The following CCDC171 variants were observed in gnomAD, a reference collection of about 807,000 sequenced individuals.
The protein encoded by CCDC171 is coiled-coil domain containing 171.
A neutral mutation model predicts 168.2 loss-of-function variants in CCDC171; 177 were observed. The ratio of observed to expected loss-of-function variants is 1.05; its 90% CI spans 0.93 to 1.19. The LOEUF (loss-of-function observed/expected upper bound fraction) is 1.19, where lower values mean the gene tolerates loss of function less well. Ranked by LOEUF, CCDC171 falls within the 50% of genes most tolerant of loss-of-function variation. The pLI is 0.00. For missense variants in CCDC171, 1,991 were observed against 1,539.0 expected (o/e 1.29, Z -4.91); for synonymous variants, 687 against 540.8 (o/e 1.27, Z -3.75).
intron 5 of CCDC171, among the ~76,000 whole-genome samples, chr9:15,593,409 T>A (rs2042131912): frequency 6.6e-6 from 1 of 152,166 alleles, no homozygotes; most frequent in Non-Finnish European, 1.5e-5. Flanking sequence ...AGGAAAGCAT[T>A]TTTTCAAGTA....
At chr9:15,868,628 G>A (rs1179906379) in intron 23 of CCDC171, among the ~76,000 whole-genome samples, 1 of 151,926 alleles carries the variant, frequency 6.6e-6, no homozygotes, top group Non-Finnish European at 1.5e-5. Flanking sequence ...AAACATTGTT[G>A]CTAAGATTGC....
chr9:15,842,601 T>C (rs1414010877), intron 21 of CCDC171, among the ~76,000 whole-genome samples: 1 of 151,910 alleles, frequency 6.6e-6, no homozygotes, highest in Non-Finnish European at 1.5e-5. Flanking sequence ...CTAAAGAATT[T>C]TACTTCAAAA....
intron 21 of CCDC171, among the ~76,000 whole-genome samples, chr9:15,832,727 C>T (rs1346079218): frequency 1.3e-5 from 2 of 152,186 alleles, no homozygotes; most frequent in Non-Finnish European, 2.9e-5. Flanking sequence ...CTGCTGTCGA[C>T]TTTATAAGCA....
chr9:15,970,937 G>A (rs576874470), intron 25 of CCDC171, among the ~76,000 whole-genome samples: 29 of 152,198 alleles, frequency 1.9e-4, no homozygotes, highest in African/African-American at 6.0e-4. Flanking sequence ...TTTGTACACC[G>A]TACCTCAGTG....
chr9:15,575,955 G>A (rs1234840265), intron 3 of CCDC171, among the ~76,000 whole-genome samples: 1 of 152,058 alleles, frequency 6.6e-6, no homozygotes, highest in African/African-American at 2.4e-5. Context: ...AGCTGGGCGT[G>A]GTGGTGCGCA....
At chr9:15,633,915 A>G (rs1173617334) in intron 7 of CCDC171, among the ~76,000 whole-genome samples, 1 of 152,218 alleles carries the variant, frequency 6.6e-6, no homozygotes, top group Admixed American at 6.5e-5. Context: ...TCAGTAAACT[A>G]TCGCAAGAAC....
chr9:15,728,269 A>G (rs1217756536), intron 15 of CCDC171, among the ~76,000 whole-genome samples: 1 of 152,144 alleles, frequency 6.6e-6, no homozygotes, highest in Non-Finnish European at 1.5e-5. Context: ...TGTGCAGGAC[A>G]TGCTAATACT....
chr9:15,793,465 C>T (rs7466717), intron 21 of CCDC171, among the ~76,000 whole-genome samples: 54,585 of 150,804 alleles, frequency 0.36, 12,219 homozygotes, highest in East Asian at 0.66. Flanking sequence ...CTGCACCAAG[C>T]GGACCTAGTA....
At chr9:15,866,938 A>G (rs1299633962) in intron 23 of CCDC171, among the ~76,000 whole-genome samples, 2 of 152,016 alleles carry the variant, frequency 1.3e-5, no homozygotes, top group Admixed American at 6.6e-5. Flanking sequence ...CTCTAAATAT[A>G]ACATAAGCCA....
At chr9:15,930,239 T>A (rs1826350627) in intron 25 of CCDC171, among the ~76,000 whole-genome samples, 1 of 151,758 alleles carries the variant, frequency 6.6e-6, no homozygotes, top group Non-Finnish European at 1.5e-5. Flanking sequence ...TCCGAATTTT[T>A]CCCACACCAA....
intron 10 of CCDC171, among the ~76,000 whole-genome samples, chr9:15,690,725 G>C (rs571029892): frequency 9.9e-5 from 15 of 152,106 alleles, no homozygotes; most frequent in African/African-American, 3.6e-4. Context: ...ATAGAAATGA[G>C]AAAAAATGAT....
At chr9:15,749,860 A>G (rs957012161) in intron 18 of CCDC171, among the ~76,000 whole-genome samples, 2 of 152,232 alleles carry the variant, frequency 1.3e-5, no homozygotes, top group African/African-American at 4.8e-5. Context: ...AATGCCCACA[A>G]GAGAAAGCAG....
At chr9:16,062,412 T>A (rs1833942844), downstream of CCDC171, among the ~76,000 whole-genome samples, 1 of 152,002 alleles carries the variant, frequency 6.6e-6, no homozygotes, top group Non-Finnish European at 1.5e-5. Context: ...GGGTGGAAGC[T>A]GGGAGGAGGA....
At chr9:15,909,875 A>G (rs1392298695) in intron 24 of CCDC171, among the ~76,000 whole-genome samples, 1 of 152,034 alleles carries the variant, frequency 6.6e-6, no homozygotes, top group African/African-American at 2.4e-5. Flanking sequence ...CAGATTTCTT[A>G]CTTGCATATA....
chr9:15,744,522 C>T lies in CCDC171; in HGVS notation c.2299C>T (p.Leu767=), dbSNP rs749392821. Reference sequence around the variant, plus strand: ...GGTCAACACCTTTGAGTTGTTCAAACTGGAAATTAGAACTCTAGCCCAGGC... The same window carrying T: ...GGTCAACACCTTTGAGTTGTTCAAATTGGAAATTAGAACTCTAGCCCAGGC... ...EQVNTFELFK[L]EIRTLAQALS... The change falls in exon 17 of 26, where the codon CTG becomes TTG. Residue 767 remains leucine (L), a synonymous_variant. Transcript: ENST00000380701. 9 of 1,614,164 alleles carry T rather than the reference C, an allele frequency of 5.6e-6. No individual in the cohort carries two copies. The highest frequency in any genetic ancestry group is 5.5e-5 in the South Asian group (5 of 91,084).
In CCDC171 at chr9:15,860,643, T is replaced by C. The variant is rs117230868; in HGVS notation, c.3468+11696T>C. On this transcript the variant is annotated intron_variant, in intron 23 of 25. Coordinates refer to ENST00000380701, the MANE Select transcript of CCDC171 (RefSeq NM_173550.4). ...TTGGTATGATTTTAATATTCTTAAA[T>C]CTATTAAGACTTGTTTTGACACCTA... 4.2e-4 allele frequency among the ~76,000 whole-genome samples: 64 copies of C among 152,142 alleles called. No individual in the cohort carries two copies. In the East Asian group the frequency reaches 0.012, roughly 28 times the overall value.
the CCDC171 span, among the ~76,000 whole-genome samples, chr9:16,071,990 T>A: frequency 6.6e-6 from 1 of 152,150 alleles, no homozygotes; most frequent in Non-Finnish European, 1.5e-5. Context: ...CTGGCTTTCA[T>A]GAGGCATGAG....
At position 15,957,186 on chromosome 9, in the gene CCDC171, C is replaced by A. The variant is rs539425422; in HGVS notation, c.3754-14423C>A. Among the ~76,000 whole-genome samples, 4 of 152,086 alleles carry A rather than the reference C, an allele frequency of 2.6e-5. 1 individual carries two copies. In the South Asian group the frequency reaches 8.3e-4, roughly 32 times the overall value. ...AACATCTTGCTGTGTGTGAGCAGTT[C>A]GAGGGCAGGCAGACACCATGCACCT... is the stretch of plus-strand genomic sequence containing the variant. On this transcript the variant is annotated intron_variant, in intron 25 of 25. Transcript: ENST00000380701.
chr9:15,963,424 A>G (rs1385046676), intron 25 of CCDC171, among the ~76,000 whole-genome samples: 1 of 152,170 alleles, frequency 6.6e-6, no homozygotes, highest in East Asian at 1.9e-4. Flanking sequence ...ACCTTGGTGA[A>G]CTCTTTTGAG....
Sources: allele counts gnomAD v4.1 joint callset (sites outside exome capture counted in the v4.1 genomes callset), GRCh38; gene constraint gnomAD v4.1.1; transcripts MANE v1.5; gene names NCBI Gene and HGNC (gene_info 2026-07-23, HGNC 2026-07-21).